SV2C: variants seen among roughly 807,000 people sequenced by gnomAD.
The protein encoded by SV2C is synaptic vesicle glycoprotein 2C.
Under a neutral mutation model 79.7 loss-of-function variants are expected in SV2C, and 49 were observed. That is an observed-to-expected ratio of 0.61 (90% confidence interval 0.49 to 0.78). The LOEUF (loss-of-function observed/expected upper bound fraction) is 0.78. SV2C is among the 30% of genes least tolerant of loss of function. The probability of loss-of-function intolerance (pLI) is 0.00; values close to 1 mark genes in which losing one functional copy is unlikely to be tolerated. For synonymous variants in SV2C, 334 were observed against 333.2 expected (o/e 1.00, Z -0.03); for missense variants, 833 against 912.9 (o/e 0.91, Z 1.13).
At chr5:75,859,078 C>A in the SV2C span, among the ~76,000 whole-genome samples, 53 of 151,100 alleles carry the variant, frequency 3.5e-4, no homozygotes, top group African/African-American at 1.2e-3. Flanking sequence ...TATTGTGTTT[C>A]AATTTTATTT....
the SV2C span, among the ~76,000 whole-genome samples, chr5:75,878,213 A>G: frequency 0.014 from 2,142 of 152,244 alleles, 43 homozygotes; most frequent in African/African-American, 0.048. Flanking sequence ...ATGAATACCA[A>G]TATCTAAGTT....
chr5:76,068,255 G>T, the SV2C span, among the ~76,000 whole-genome samples: 1 of 152,158 alleles, frequency 6.6e-6, no homozygotes, highest in Non-Finnish European at 1.5e-5. Context: ...AGAGTCAGGA[G>T]TGGGTGTGAA....
chr5:76,231,277 G>C (rs1745410170), intron 4 of SV2C, among the ~76,000 whole-genome samples: 1 of 152,040 alleles, frequency 6.6e-6, no homozygotes, highest in Non-Finnish European at 1.5e-5. Flanking sequence ...GGATTTATTA[G>C]TTAGTTTGAT....
intron 4 of SV2C, chr5:76,281,395 A>C (rs1195117936): frequency 7.9e-6 from 2 of 251,582 alleles, no homozygotes; most frequent in Middle Eastern, 1.5e-3. Context: ...TGTTATGCAA[A>C]GTAAAAAAAA....
chr5:75,937,333 A>AT, the SV2C span, among the ~76,000 whole-genome samples: 4 of 152,030 alleles, frequency 2.6e-5, no homozygotes, highest in African/African-American at 2.4e-5. Context: ...TATTGTGAAG[A>AT]TTTTTTCTCA....
downstream of SV2C, among the ~76,000 whole-genome samples, chr5:76,337,443 T>C (rs981746160): frequency 1.3e-5 from 2 of 152,022 alleles, no homozygotes; most frequent in Non-Finnish European, 2.9e-5. Context: ...CACTGCGGGG[T>C]TGGGACTTCA....
chr5:76,004,827 G>A, the SV2C span, among the ~76,000 whole-genome samples: 1 of 152,184 alleles, frequency 6.6e-6, no homozygotes, highest in Non-Finnish European at 1.5e-5. Context: ...CATATAACCA[G>A]TAAGTCTGGA....
At chr5:75,879,785 T>G in the SV2C span, among the ~76,000 whole-genome samples, 3 of 152,212 alleles carry the variant, frequency 2.0e-5, no homozygotes, top group African/African-American at 7.2e-5. Context: ...GTGACTTCAG[T>G]TCCACATTTC....
chr5:76,047,726 G>A, the SV2C span, among the ~76,000 whole-genome samples: 6 of 151,674 alleles, frequency 4.0e-5, no homozygotes, highest in Non-Finnish European at 5.9e-5. Flanking sequence ...TATAACATAG[G>A]GACTATAGTT....
chr5:76,244,259 G>A (rs542539669), intron 4 of SV2C, among the ~76,000 whole-genome samples: 12 of 152,152 alleles, frequency 7.9e-5, no homozygotes, highest in Non-Finnish European at 1.5e-4. Context: ...GTGTGGATTG[G>A]GGCTGGCCAC....
At chr5:76,153,974 G>T (rs1207876350) in intron 2 of SV2C, among the ~76,000 whole-genome samples, 1 of 152,170 alleles carries the variant, frequency 6.6e-6, no homozygotes, top group Non-Finnish European at 1.5e-5. Context: ...AGGGGTGTTA[G>T]CATGCAGACA....
the SV2C span, among the ~76,000 whole-genome samples, chr5:75,899,610 C>T: frequency 6.6e-6 from 1 of 152,162 alleles, no homozygotes; most frequent in Non-Finnish European, 1.5e-5. Context: ...AGTTCAATTC[C>T]TGGGTACCCT....
At chr5:76,001,036 TAAGAGA>T in the SV2C span, among the ~76,000 whole-genome samples, 2 of 144,182 alleles carry the variant, frequency 1.4e-5, no homozygotes, top group African/African-American at 5.2e-5. Flanking sequence ...ACACCTGGAG[TAAGAGA>T]TGCATTAAGA....
the SV2C span, chr5:75,920,932 A>C: frequency 1.4e-6 from 1 of 732,178 alleles, no homozygotes; most frequent in Non-Finnish European, 2.5e-6. Context: ...GGATCCTGGC[A>C]AAGCTCTTGG....
intron 4 of SV2C, among the ~76,000 whole-genome samples, chr5:76,247,899 T>C (rs909732159): frequency 6.6e-6 from 1 of 152,136 alleles, no homozygotes; most frequent in Non-Finnish European, 1.5e-5. Flanking sequence ...CATGCAAAAG[T>C]CAGCTCTCAG....
chr5:75,858,898 C>G, the SV2C span, among the ~76,000 whole-genome samples: 3 of 152,028 alleles, frequency 2.0e-5, no homozygotes, highest in African/African-American at 7.2e-5. Flanking sequence ...ATAGTAGTCT[C>G]TAAATGATCC....
At chr5:76,138,088 G>A (rs1028613678) in intron 2 of SV2C, among the ~76,000 whole-genome samples, 10 of 152,184 alleles carry the variant, frequency 6.6e-5, no homozygotes, top group Non-Finnish European at 1.5e-4. Flanking sequence ...AGATTGAGAT[G>A]GATAAGGTTT....
chr5:76,089,388 A>G lies in SV2C; in HGVS notation c.-102+5876A>G, dbSNP rs1012357484. ...CCTTTTTATGGCTGCATAGTATTCC[A>G]TGGTGTATATGTACCACATTTTCTA... On this transcript the variant is annotated intron_variant, in intron 1 of 12. Transcript: ENST00000502798. Among the ~76,000 whole-genome samples, 35 of 152,344 alleles carry G rather than the reference A, an allele frequency of 2.3e-4. 1 individual carries two copies. The highest frequency in any genetic ancestry group is 7.9e-4 in the African/African-American group (33 of 41,574).
chr5:76,086,578 T>A (rs1330343930), intron 1 of SV2C, among the ~76,000 whole-genome samples: 4 of 152,218 alleles, frequency 2.6e-5, no homozygotes, highest in Admixed American at 6.5e-5. Context: ...ATTCTCCATT[T>A]AAACACAAAC....
Sources: gnomAD v4.1 joint callset for allele counts (sites outside exome capture counted in the v4.1 genomes callset) on GRCh38, gnomAD v4.1.1 for gene constraint, MANE v1.5 for transcripts, NCBI Gene and HGNC (gene_info 2026-07-23, HGNC 2026-07-21) for gene names.